PTPRF: variants seen among roughly 807,000 people sequenced by gnomAD.
PTPRF encodes protein tyrosine phosphatase receptor type F.
Under a neutral mutation model 201.8 loss-of-function variants are expected in PTPRF, and 59 were observed. The ratio of observed to expected loss-of-function variants is 0.29; its 90% CI spans 0.24 to 0.36. The LOEUF (loss-of-function observed/expected upper bound fraction) is 0.36. Ranked by LOEUF, PTPRF falls within the 10% of genes least tolerant of loss-of-function variation. The pLI is 1.00. For synonymous variants in PTPRF, 1,088 were observed against 1,089.7 expected, an observed-to-expected ratio of 1.00 and a Z score of 0.03; for missense variants, 2,132 against 2,690.5, an observed-to-expected ratio of 0.79 and a Z score of 4.59.
In PTPRF at chr1:43,598,733, T is replaced by C. The variant is rs750934392; in HGVS notation, c.2133T>C (p.Pro711=). The change falls in exon 13 of 34, where the codon CCT becomes CCC. Residue 711 remains proline, a synonymous_variant. Transcript: ENST00000359947. ...CTGACCCCCCAGTGCCCAGCGGGCC[T>C]CCGCGGAAGGTGGAGGTGGAGCCAC... ...VRTDEDVPSG[P]PRKVEVEPLN... 6.2e-7 allele frequency: 1 copy of C among 1,613,404 alleles called. No individual in the cohort carries two copies. Among genetic ancestry groups the C allele is most frequent in the Admixed American group, 1.7e-5 (1 of 59,986 alleles).
chr1:43,598,419 G>A (rs1652913660), intron 12 of PTPRF: 2 of 483,706 alleles, frequency 4.1e-6, no homozygotes, highest in African/African-American at 3.9e-5. Flanking sequence ...GACAGGTTGT[G>A]CTGACTAGGG....
At chr1:43,618,921 G>GCTA in intron 26 of PTPRF, 127 bp from the exon 27 acceptor site, 6 of 1,453,338 alleles carry the variant, frequency 4.1e-6, no homozygotes, top group Non-Finnish European at 4.7e-6. Flanking sequence ...GGAGCTTCAG[G>GCTA]CTACTCTGTG....
At chr1:43,604,213 C>A (rs539029462) in intron 16 of PTPRF, 24 bp downstream of exon 16, 1 of 1,602,610 alleles carries the variant, frequency 6.2e-7, no homozygotes, top group South Asian at 1.1e-5. Context: ...ACATGGCATC[C>A]CTTCCCGAGT....
intron 11 of PTPRF, among the ~76,000 whole-genome samples, chr1:43,597,231 GTA>G (rs901479227): frequency 1.3e-5 from 2 of 152,124 alleles, no homozygotes; most frequent in Non-Finnish European, 2.9e-5. Context: ...ATATGACACT[GTA>G]TATGTGTGAG....
chr1:43,587,180 T>A (rs1437419442), intron 7 of PTPRF, among the ~76,000 whole-genome samples: 1 of 151,774 alleles, frequency 6.6e-6, no homozygotes, highest in Non-Finnish European at 1.5e-5. Flanking sequence ...GGCAGAGGAG[T>A]CACTGGGAGC....
intron 20 of PTPRF, 97 bp downstream of exon 20, chr1:43,606,555 C>A: frequency 1.6e-6 from 2 of 1,260,518 alleles, no homozygotes; most frequent in Non-Finnish European, 2.2e-6. Context: ...AGGTCTTTAT[C>A]AGTTTGGGGG....
chr1:43,586,065 A>C (rs1281781648), intron 7 of PTPRF, among the ~76,000 whole-genome samples: 1 of 152,194 alleles, frequency 6.6e-6, no homozygotes, highest in Admixed American at 6.5e-5. Context: ...GTTTTTCATC[A>C]CACAGACCTA....
In PTPRF at chr1:43,590,978, C is replaced by T. The variant is rs753539551; in HGVS notation, c.956C>T (p.Pro319Leu). 1 of 1,603,914 alleles carries T rather than the reference C, an allele frequency of 6.2e-7. No individual in the cohort carries two copies. Among genetic ancestry groups the T allele is most frequent in the African/African-American group, 1.3e-5 (1 of 74,654 alleles). Residue 319 changes from proline (P) to leucine (L), a missense_variant, in exon 9 of 34, where the codon CCA becomes CTA. By Grantham distance (98) the Pro-to-Leu change is moderately conservative (BLOSUM62 -3). Coordinates refer to ENST00000359947, the MANE Select transcript of PTPRF (RefSeq NM_002840.5). ...CCTTCCACTTTGTCTCCAGCTCTTC[C>T]AAAGCCTCCGATTGATCTTGTGGTG... ...ATAQVTVKAL[P>L]KPPIDLVVTE...
chr1:43,609,463 C>T lies in PTPRF; in HGVS notation c.3938C>T (p.Pro1313Leu). ...TCCTTGCTGGCCCACTCCTCTGACC[C>T]TGTGGAGATGCGGAGGCTCAACTAC... is the stretch of plus-strand genomic sequence containing the variant. ...KDSLLAHSSD[P>L]VEMRRLNYQT... The change falls in exon 22 of 34, where the codon CCT becomes CTT. Residue 1313 changes from proline to leucine, a missense_variant. Physicochemically the swap from Pro to Leu is moderately conservative, Grantham distance 98. This residue lies in a region of PTPRF where 818 missense variants were observed against 915.3 expected (regional missense o/e 0.89). Coordinates refer to ENST00000359947, the MANE Select transcript of PTPRF (RefSeq NM_002840.5). The T allele has an allele frequency of 6.2e-7, 1 of 1,614,068 alleles. No homozygotes were observed. Among genetic ancestry groups the T allele is most frequent in the Non-Finnish European group, 8.5e-7 (1 of 1,179,982 alleles).
chr1:43,618,616 T>G lies in PTPRF; in HGVS notation c.4372-14T>G. On this transcript the variant is annotated splice_polypyrimidine_tract_variant and intron_variant, in intron 25 of 33. Coordinates refer to ENST00000359947, the MANE Select transcript of PTPRF (RefSeq NM_002840.5). ...GTGGGCTTCCTTCAGCCTGCCCTGC[T>G]CATCCTCCTGCAGGTAAAATGTGAT... 1 of 1,589,820 alleles carries G rather than the reference T, an allele frequency of 6.3e-7. No individual in the cohort carries two copies. The highest frequency in any genetic ancestry group is 2.3e-5 in the East Asian group (1 of 44,164).
chr1:43,544,038 C>A (rs1202645238), intron 2 of PTPRF, among the ~76,000 whole-genome samples: 1 of 152,202 alleles, frequency 6.6e-6, no homozygotes, highest in African/African-American at 2.4e-5. Flanking sequence ...TATAGTGCGG[C>A]CATGCTAGAG....
chr1:43,562,182 C>A (rs1645851238), intron 5 of PTPRF, among the ~76,000 whole-genome samples: 1 of 152,058 alleles, frequency 6.6e-6, no homozygotes, highest in Admixed American at 6.5e-5. Context: ...AATCTCAGCT[C>A]ACTGCAACTT....
intron 6 of PTPRF, among the ~76,000 whole-genome samples, chr1:43,578,449 CG>C: frequency 6.6e-6 from 1 of 152,230 alleles, no homozygotes; most frequent in South Asian, 2.1e-4. Flanking sequence ...AGTGGGGCTG[CG>C]GGGCCAGGAA....
chr1:43,548,697 G>C (rs955075759), intron 3 of PTPRF, among the ~76,000 whole-genome samples: 5 of 152,144 alleles, frequency 3.3e-5, no homozygotes. Context: ...GTCTCTGAGT[G>C]GGCTCCAGGG....
In PTPRF at chr1:43,622,171, G is replaced by T. The variant is rs1350630765; in HGVS notation, c.*168G>T. The T allele has an allele frequency of 1.4e-6, 1 of 715,448 alleles. No individual in the cohort carries two copies. The highest frequency in any genetic ancestry group is 1.7e-5 in the African/African-American group (1 of 57,166). 44.3% of individuals were successfully genotyped at this position (715,448 alleles called of 1,614,324 possible). ...CAGGAACGTTGCCACACCAATCAGA[G>T]AGCCTAGAACATCCCTGGGCAAGTG... On this transcript the variant is annotated 3_prime_UTR_variant, in exon 34 of 34. Coordinates refer to ENST00000359947, the MANE Select transcript of PTPRF (RefSeq NM_002840.5).
chr1:43,575,020 C>T (rs1416031693), intron 6 of PTPRF, among the ~76,000 whole-genome samples: 3 of 152,212 alleles, frequency 2.0e-5, no homozygotes, highest in Admixed American at 6.5e-5. Flanking sequence ...AATCCCCAGA[C>T]GTGGGCAGGA....
At position 43,530,919 on chromosome 1, in the gene PTPRF, A is replaced by AGCTTCG. The variant is rs1212914132; in HGVS notation, c.-293_-288dup. 1 of 153,214 alleles carries AGCTTCG rather than the reference A, an allele frequency of 6.5e-6. No homozygotes were observed. The highest frequency in any genetic ancestry group is 2.5e-5 in the African/African-American group (1 of 40,350). The allele number at this position is 153,214 out of a possible 1,614,324, so 9.5% of individuals were successfully genotyped here. On this transcript the variant is annotated 5_prime_UTR_variant, in exon 1 of 34. Transcript: ENST00000359947. This position sits in a 1 kb window ranked among gnomAD's most constrained non-coding sequence, Gnocchi z 4.1. ...TGGCGGCGGCAGAGGCGGCGGCTCC[A>AGCTTCG]GCTTCGGCTCCGGCTCGGGCTCGGG...
chr1:43,602,005 C>T, intron 13 of PTPRF, 66 bp from the exon 14 acceptor site: 1 of 1,562,502 alleles, frequency 6.4e-7, no homozygotes, highest in Non-Finnish European at 8.8e-7. Flanking sequence ...CCTTCCAGGC[C>T]AGGCCCTCTC....
chr1:43,577,316 G>GT (rs1646993117), intron 6 of PTPRF, among the ~76,000 whole-genome samples: 1 of 152,182 alleles, frequency 6.6e-6, no homozygotes, highest in Non-Finnish European at 1.5e-5. Flanking sequence ...GACCTGTTGG[G>GT]TGCCCATCAG....
Sources: gnomAD v4.1 joint callset for allele counts (sites outside exome capture counted in the v4.1 genomes callset) on GRCh38, gnomAD v4.1.1 for gene constraint, gnomAD v4.1.1 regional missense constraint, Gnocchi (gnomAD v3.1) non-coding constraint, MANE v1.5 for transcripts, NCBI Gene and HGNC (gene_info 2026-07-23, HGNC 2026-07-21) for gene names.